The following CDK20 variants were observed in gnomAD, a reference collection of about 807,000 sequenced individuals.
CDK20 encodes cyclin dependent kinase 20, also known as cyclin-dependent kinase 20.
CDK20 carries 40 observed loss-of-function variants against 38.6 expected under a neutral mutation model. The ratio of observed to expected loss-of-function variants is 1.04; its 90% CI spans 0.81 to 1.35. The LOEUF is 1.35. Ranked by LOEUF, CDK20 falls within the 40% of genes most tolerant of loss-of-function variation. The pLI is 0.00. For synonymous variants in CDK20, 209 were observed against 185.7 expected, an observed-to-expected ratio of 1.13 and a Z score of -1.02; for missense variants, 512 against 452.6, an observed-to-expected ratio of 1.13 and a Z score of -1.19.
In CDK20 at chr9:87,974,480, C is replaced by G. The variant is rs1240271643; in HGVS notation, c.-34G>C. On this transcript the variant is annotated 5_prime_UTR_variant, in exon 1 of 8. Transcript: ENST00000325303. ...AGTCGTGGGCCTGTGCCCCTGTGCC[C>G]CTGAACTTCCAAACTCCACTTCTCC... 2.5e-6 allele frequency: 4 copies of G among 1,586,330 alleles called. No homozygotes were observed. Among genetic ancestry groups the G allele is most frequent in the Non-Finnish European group, 3.4e-6 (4 of 1,164,122 alleles).
chr9:87,967,143 G>C lies in CDK20; in HGVS notation c.*319C>G, dbSNP rs765897374. 3.3e-6 allele frequency: 2 copies of C among 610,664 alleles called. No individual in the cohort carries two copies. The highest frequency in any genetic ancestry group is 2.8e-5 in the South Asian group (2 of 72,268). 37.8% of individuals were successfully genotyped at this position (610,664 alleles called of 1,614,324 possible). A position where few individuals can be genotyped will look rare whatever the true frequency, so the allele number is the denominator to read the frequency against. On this transcript the variant is annotated 3_prime_UTR_variant, in exon 8 of 8. Transcript: ENST00000325303. Reference sequence around the variant, plus strand: ...ACTCGGGGAAGCAGCACCAAGGCAGGCATCGTCATTCTGCATATGCAGGCC... The same window carrying C: ...ACTCGGGGAAGCAGCACCAAGGCAGCCATCGTCATTCTGCATATGCAGGCC...
At chr9:87,969,526 C>T (rs1176480800) in intron 6 of CDK20, 177 bp from the exon 7 acceptor site, 1 of 799,116 alleles carries the variant, frequency 1.3e-6, no homozygotes, top group Non-Finnish European at 2.0e-6. Context: ...TCATCCATCC[C>T]CTTGCCCTCT....
At chr9:87,974,114 TGA>T (rs1330235353) in intron 1 of CDK20, 79 bp from the exon 2 acceptor site, 18 of 1,602,900 alleles carry the variant, frequency 1.1e-5, no homozygotes, top group Non-Finnish European at 1.4e-5. Flanking sequence ...GGAAGGTGGT[TGA>T]GAGAGAGACA....
rs1829734052 is a variant in CDK20, at chr9:87,969,913, C to G, written c.570G>C (p.Val190=). 1 of 1,571,298 alleles carries G rather than the reference C, an allele frequency of 6.4e-7. No homozygotes were observed. Among genetic ancestry groups the G allele is most frequent in the Admixed American group, 1.8e-5 (1 of 55,890 alleles). Residue 190 remains valine, a synonymous_variant, in exon 6 of 8, where the codon GTG becomes GTC. Transcript: ENST00000325303. ...TCAACAGCTCCCCCATGATGCAGCCCACAGACCTGTGGACACAGAGCCCCA... is the reference window on the plus strand; with the variant it reads ...TCAACAGCTCCCCCATGATGCAGCCGACAGACCTGTGGACACAGAGCCCCA... ...QYDQGVDLWS[V]GCIMGELLNG...
At chr9:87,969,642 G>A (rs1342984874) in intron 6 of CDK20, 154 bp downstream of exon 6, 2 of 1,210,776 alleles carry the variant, frequency 1.7e-6, no homozygotes, top group African/African-American at 3.0e-5. Flanking sequence ...ACAGCAGGAA[G>A]GAGGAAGCCC....
At chr9:87,968,674 C>A (rs901804089) in intron 7 of CDK20, 1 of 153,554 alleles carries the variant, frequency 6.5e-6, no homozygotes, top group Non-Finnish European at 1.5e-5. Flanking sequence ...GTCGGCCTTG[C>A]CTCTCTCCTG....
chr9:87,971,326 G>T lies in CDK20; in HGVS notation c.199C>A (p.Leu67Met). 1 of 1,612,430 alleles carries T rather than the reference G, an allele frequency of 6.2e-7. No homozygotes were observed. Among genetic ancestry groups the T allele is most frequent in the South Asian group, 1.1e-5 (1 of 90,764 alleles). The change falls in exon 3 of 8, where the codon CTG (leucine) becomes ATG (methionine). Residue 67 changes from leucine (L) to methionine (M), a missense_variant. By Grantham distance (15) the Leu-to-Met change is conservative (BLOSUM62 2). Transcript: ENST00000325303. The part of the protein sequence containing the change: ...EMEDNQYVVQ[L>M]KAVFPHGGGF... ...CCACCGTGTGGGAACACAGCCTTCA[G>T]TTGTACCACCTGTGGGCAGGACATC...
chr9:87,974,220 G>T, intron 1 of CDK20, 152 bp downstream of exon 1: 1 of 1,249,030 alleles, frequency 8.0e-7, no homozygotes, highest in Non-Finnish European at 1.1e-6. Flanking sequence ...GCTGTGCGGA[G>T]GGAAGCGCAA....
Position 87,966,685 on chromosome 9 carries a change from T to G in CDK20, c.*777A>C, listed in dbSNP as rs1049559805. 1 of 188,388 alleles carries G rather than the reference T, an allele frequency of 5.3e-6. No homozygotes were observed. Among genetic ancestry groups the G allele is most frequent in the Non-Finnish European group, 1.1e-5 (1 of 88,754 alleles). 11.7% of individuals were successfully genotyped at this position (188,388 alleles called of 1,614,324 possible). A position where few individuals can be genotyped will look rare whatever the true frequency, so the allele number is the denominator to read the frequency against. On this transcript the variant is annotated 3_prime_UTR_variant, in exon 8 of 8. Coordinates refer to ENST00000325303, the MANE Select transcript of CDK20 (RefSeq NM_001039803.3). ...TTGTTTCCTTAAATACACAGCTGCT[T>G]CTGGCTCACGCTCATCCTGAGGGAG...
chr9:87,969,544 C>T (rs769013444), intron 6 of CDK20, 195 bp from the exon 7 acceptor site: 49 of 770,450 alleles, frequency 6.4e-5, no homozygotes, highest in South Asian at 5.6e-4. Flanking sequence ...TCTCAGATGA[C>T]GACTCTGTGC....
rs150114135 is a variant in CDK20, at chr9:87,974,010, T to A, written c.101A>T (p.Lys34Met). The A allele has an allele frequency of 5.8e-5, 94 of 1,614,030 alleles. No homozygotes were observed. The highest frequency in any genetic ancestry group is 8.0e-5 in the African/African-American group (6 of 74,920). Residue 34 changes from lysine (K) to methionine (M), a missense_variant, in exon 2 of 8, where the codon AAG becomes ATG. By Grantham distance (95) the Lys-to-Met change is moderately conservative (BLOSUM62 -1). Transcript: ENST00000325303. ...GTCCTCCAACCGCCTTAGGGCCACC[T>A]TCTTGAGGGCAACTATCTCGCCAGT... ...VETGEIVALK[K>M]VALRRLEDGF...
Position 87,974,387 on chromosome 9 carries a change from C to G in CDK20, c.60G>C (p.Lys20Asn). The G allele has an allele frequency of 1.9e-6, 3 of 1,612,902 alleles. No homozygotes were observed. The South Asian group carries it at 3.3e-5, about 18-fold the overall frequency. The change falls in exon 1 of 8, where the codon AAG becomes AAC. Residue 20 changes from lysine to asparagine, a missense_variant. Lys to Asn is a moderately conservative substitution (Grantham distance 94, BLOSUM62 0). Coordinates refer to ENST00000325303, the MANE Select transcript of CDK20 (RefSeq NM_001039803.3). Reference sequence around the variant, plus strand: ...CCAGCCTCACCTCCACGTGCTTGGCCTTGAAGACGATGCCGTGGGCGCCCT... The same window carrying G: ...CCAGCCTCACCTCCACGTGCTTGGCGTTGAAGACGATGCCGTGGGCGCCCT... Reference protein sequence around the residue: ...IGEGAHGIVFKAKHVETGEIV... With the variant: ...IGEGAHGIVFNAKHVETGEIV...
chr9:87,970,623 G>A lies in CDK20; in HGVS notation c.508C>T (p.Arg170Ter), dbSNP rs773980056. ...YTHQVATRWY[R>*]APELLYGARQ... ...GCACCATACAGGAGCTCGGGGGCTC[G>A]GTACCACCTGCGAGGAAGAGGGCTG... Residue 170 changes from arginine to a stop codon, truncating the protein, a stop_gained, in exon 5 of 8, where the codon CGA becomes TGA. Coordinates refer to ENST00000325303, the MANE Select transcript of CDK20 (RefSeq NM_001039803.3). LOFTEE classifies it high-confidence loss of function. The A allele has an allele frequency of 8.7e-6, 14 of 1,613,886 alleles. No individual in the cohort carries two copies. The highest frequency in any genetic ancestry group is 2.2e-5 in the East Asian group (1 of 44,866).
intron 7 of CDK20, 119 bp downstream of exon 7, chr9:87,969,075 T>C: frequency 8.2e-7 from 1 of 1,222,062 alleles, no homozygotes; most frequent in Middle Eastern, 2.0e-4. Context: ...TGCTGGTCCA[T>C]GCCAATCACA....
intron 5 of CDK20, 35 bp from the exon 6 acceptor site, chr9:87,969,954 TC>T (rs1457177310): frequency 2.0e-6 from 3 of 1,522,388 alleles, no homozygotes; most frequent in Non-Finnish European, 2.6e-6. Context: ...GTCAGAGATC[TC>T]CCACCATGGA....
chr9:87,966,718 T>A lies in CDK20; in HGVS notation c.*744A>T, dbSNP rs878907028. 3.8e-6 allele frequency: 1 copy of A among 263,016 alleles called. No homozygotes were observed. Among genetic ancestry groups the A allele is most frequent in the South Asian group, 4.8e-5 (1 of 20,664 alleles). The allele number at this position is 263,016 out of a possible 1,614,324, so 16.3% of individuals were successfully genotyped here. A position where few individuals can be genotyped will look rare whatever the true frequency, so the allele number is the denominator to read the frequency against. On this transcript the variant is annotated 3_prime_UTR_variant, in exon 8 of 8. Transcript: ENST00000325303. ...ACGCTCATCCTGAGGGAGTAGATGT[T>A]GGTAAACCAGCCTCATGTGCAGAGG...
In CDK20 at chr9:87,966,454, A is replaced by C. The variant is rs1587610535; in HGVS notation, c.*1008T>G. The stretch of plus-strand genomic sequence containing the variant: ...TTCTCTAGTCTGTTTTTATCCTTGA[A>C]CCACAATCATACTCTTTATTATTAT... On this transcript the variant is annotated 3_prime_UTR_variant, in exon 8 of 8. Coordinates refer to ENST00000325303, the MANE Select transcript of CDK20 (RefSeq NM_001039803.3). The C allele has an allele frequency of 6.6e-6, 1 of 152,546 alleles. No individual in the cohort carries two copies. The highest frequency in any genetic ancestry group is 1.9e-4 in the East Asian group (1 of 5,186). The allele number at this position is 152,546 out of a possible 1,614,324, so 9.4% of individuals were successfully genotyped here. A position where few individuals can be genotyped will look rare whatever the true frequency, so the allele number is the denominator to read the frequency against.
intron 5 of CDK20, chr9:87,970,187 T>TG: frequency 2.2e-6 from 1 of 452,730 alleles, no homozygotes; most frequent in East Asian, 3.4e-5. Context: ...CTCAGACCCA[T>TG]GGGCACTGCC....
At chr9:87,972,269 ATACTT>A (rs1829916061) in intron 2 of CDK20, among the ~76,000 whole-genome samples, 2 of 152,234 alleles carry the variant, frequency 1.3e-5, no homozygotes, top group South Asian at 4.2e-4. Flanking sequence ...GGAGAAAAGG[ATACTT>A]CTTTATTTAG....
Sources: gnomAD v4.1 joint callset for allele counts (sites outside exome capture counted in the v4.1 genomes callset) on GRCh38, gnomAD v4.1.1 for gene constraint, MANE v1.5 for transcripts, NCBI Gene and HGNC (gene_info 2026-07-23, HGNC 2026-07-21) for gene names.